Variants in CENPO observed in about 807,000 individuals in gnomAD.
The protein encoded by CENPO is centromere protein O, also known as centromeric protein O.
Under a neutral mutation model 36.1 loss-of-function variants are expected in CENPO, and 30 were observed. The ratio of observed to expected loss-of-function variants is 0.83; its 90% CI spans 0.62 to 1.13. The LOEUF is 1.13. Among genes scored for constraint, CENPO ranks in the 50% most tolerant of loss-of-function variants. The probability of loss-of-function intolerance (pLI) is 0.00; values close to 1 mark genes in which losing one functional copy is unlikely to be tolerated. For missense variants in CENPO, 349 were observed against 357.8 expected (o/e 0.98, Z 0.20); for synonymous variants, 171 against 142.3 (o/e 1.20, Z -1.44).
At chr2:24,812,286 T>C (rs1427896278) in intron 3 of CENPO, among the ~76,000 whole-genome samples, 2 of 152,204 alleles carry the variant, frequency 1.3e-5, no homozygotes, top group Admixed American at 6.5e-5. Flanking sequence ...TTTGGCCTTA[T>C]TAGTCAGGTG....
rs1284881277 is a variant in CENPO at position 24,808,382 on chromosome 2, G to C, written c.217-5994G>C. ...CGCCCAGCTAATTTTTGTATTTTTA[G>C]TAGAGACGGGGTTTCTCTATTGTTG... On this transcript the variant is annotated intron_variant, in intron 3 of 7. Transcript: ENST00000380834. Among the ~76,000 whole-genome samples, 5 of 151,930 alleles carry C rather than the reference G, an allele frequency of 3.3e-5. No homozygotes were observed. The East Asian group carries it at 9.6e-4, about 29-fold the overall frequency.
At chr2:24,819,215 A>G (rs1214570377) in intron 7 of CENPO, 139 bp from the exon 8 acceptor site, 2 of 152,684 alleles carry the variant, frequency 1.3e-5, no homozygotes. Flanking sequence ...GTTCTTTATC[A>G]ATACCTGTAA....
chr2:24,820,328 A>G lies in CENPO; in HGVS notation c.*1010A>G. The G allele has an allele frequency of 7.5e-7, 1 of 1,328,794 alleles. No individual in the cohort carries two copies. The allele number at this position is 1,328,794 out of a possible 1,614,324, so 82.3% of individuals were successfully genotyped here. A position where few individuals can be genotyped will look rare whatever the true frequency, so the allele number is the denominator to read the frequency against. ...AGTGACTGGCTGGGGGCCTCCTCTC[A>G]TCCAGAGACTTCTCTCCTAGGATGG... On this transcript the variant is annotated 3_prime_UTR_variant, in exon 8 of 8. Transcript: ENST00000380834.
At chr2:24,816,480 C>A in intron 5 of CENPO, 166 bp from the exon 6 acceptor site, 2 of 605,260 alleles carry the variant, frequency 3.3e-6, no homozygotes, top group Non-Finnish European at 5.7e-6. Context: ...TTATCTTAGG[C>A]ATCTTTTTCA....
chr2:24,820,959 A>G lies in CENPO; in HGVS notation c.*1641A>G, dbSNP rs1249147495. 3 of 1,441,486 alleles carry G rather than the reference A, an allele frequency of 2.1e-6. No homozygotes were observed. The highest frequency in any genetic ancestry group is 1.4e-5 in the African/African-American group (1 of 70,324). 89.3% of individuals were successfully genotyped at this position (1,441,486 alleles called of 1,614,324 possible). A position where few individuals can be genotyped will look rare whatever the true frequency, so the allele number is the denominator to read the frequency against. ...CACAAAGCTCCTAATGTAACACATC[A>G]TTGTCCTCATTCAACTTGGCTGTAT... is the stretch of plus-strand genomic sequence containing the variant. On this transcript the variant is annotated 3_prime_UTR_variant, in exon 8 of 8. Coordinates refer to ENST00000380834, the MANE Select transcript of CENPO (RefSeq NM_001322101.2).
chr2:24,808,215 T>A (rs182651882), intron 3 of CENPO, among the ~76,000 whole-genome samples: 17 of 152,198 alleles, frequency 1.1e-4, no homozygotes, highest in East Asian at 1.9e-4. Context: ...TATTTTATTT[T>A]TTTTATTTTT....
rs539820191 is a variant in CENPO at position 24,819,905 on chromosome 2, T to C, written c.*587T>C. ...TCAAAAAATAAATTCTCCCTTCCGG[T>C]TTGGACTGTTGCAGGCTCGAGGCCA... On this transcript the variant is annotated 3_prime_UTR_variant, in exon 8 of 8. Transcript: ENST00000380834. The C allele has an allele frequency of 6.2e-7, 1 of 1,608,172 alleles. No individual in the cohort carries two copies. Among genetic ancestry groups the C allele is most frequent in the African/African-American group, 1.3e-5 (1 of 74,594 alleles).
chr2:24,818,871 A>C (rs1454057422), intron 7 of CENPO, among the ~76,000 whole-genome samples: 1 of 152,256 alleles, frequency 6.6e-6, no homozygotes, highest in African/African-American at 2.4e-5. Context: ...CACAGATAGG[A>C]GTCATGACTG....
In CENPO at chr2:24,815,561, C is replaced by G; in HGVS notation, c.399C>G (p.Asn133Lys). Residue 133 changes from asparagine to lysine, a missense_variant, in exon 5 of 8, where the codon AAC becomes AAG. Transcript: ENST00000380834. Reference protein sequence around the residue: ...CVCISTAFEGNLLDSYFVDLV... With the variant: ...CVCISTAFEGKLLDSYFVDLV... ...GCATCAGTACTGCTTTTGAGGGGAA[C>G]CTATTGGATTCCTATTTTGTGGACC... 2 of 1,612,846 alleles carry G rather than the reference C, an allele frequency of 1.2e-6. No homozygotes were observed. The highest frequency in any genetic ancestry group is 1.3e-5 in the African/African-American group (1 of 75,008).
chr2:24,814,609 G>A, intron 4 of CENPO, 116 bp downstream of exon 4: 1 of 666,858 alleles, frequency 1.5e-6, no homozygotes, highest in Non-Finnish European at 2.7e-6. Flanking sequence ...TACACCCTCT[G>A]CCCTCATCAC....
chr2:24,793,447 C>G lies in CENPO; in HGVS notation c.-123C>G. 4 of 1,605,858 alleles carry G rather than the reference C, an allele frequency of 2.5e-6. No individual in the cohort carries two copies. Among genetic ancestry groups the G allele is most frequent in the Non-Finnish European group, 3.4e-6 (4 of 1,175,810 alleles). The stretch of plus-strand genomic sequence containing the variant: ...GGCAGGATCGCAAAGCACGCCGGGA[C>G]CGGTTGGTTTGGTTTTGAAGACGTG... On this transcript the variant is annotated 5_prime_UTR_variant, in exon 1 of 8. Transcript: ENST00000380834.
rs1040487326 is a variant in CENPO, at chr2:24,822,309, G to A, written c.*2991G>A. The A allele has an allele frequency of 2.0e-5, 13 of 662,996 alleles. No homozygotes were observed. The highest frequency in any genetic ancestry group is 4.6e-4 in the Middle Eastern group (1 of 2,178). 41.1% of individuals were successfully genotyped at this position (662,996 alleles called of 1,614,324 possible). On this transcript the variant is annotated 3_prime_UTR_variant, in exon 8 of 8. Transcript: ENST00000380834. Reference sequence around the variant, plus strand: ...CTTAGGCCTGAGCTGTGAACAGCAGGGGGTTGTGTGTCTGTTCTGTTTCTC... The same window carrying A: ...CTTAGGCCTGAGCTGTGAACAGCAGAGGGTTGTGTGTCTGTTCTGTTTCTC...
At position 24,795,463 on chromosome 2, in the gene CENPO, A is replaced by G. The variant is rs551073483; in HGVS notation, c.46+1498A>G. Among the ~76,000 whole-genome samples, 139 of 151,774 alleles carry G rather than the reference A, an allele frequency of 9.2e-4. 1 individual carries two copies. The highest frequency in any genetic ancestry group is 3.3e-3 in the African/African-American group (135 of 41,358). On this transcript the variant is annotated intron_variant, in intron 2 of 7. Coordinates refer to ENST00000380834, the MANE Select transcript of CENPO (RefSeq NM_001322101.2). ...AAGGTAAAGCAGGCCCAGCAGATACACTCCCTCTTTTCTGTAGTAGCAACG... is the reference window on the plus strand; with the variant it reads ...AAGGTAAAGCAGGCCCAGCAGATACGCTCCCTCTTTTCTGTAGTAGCAACG...
At chr2:24,793,768 T>C in intron 1 of CENPO, 84 bp from the exon 2 acceptor site, 1 of 1,102,404 alleles carries the variant, frequency 9.1e-7, no homozygotes, top group Non-Finnish European at 1.4e-6. Context: ...GGCCCAGGGG[T>C]TGTGCCTGAG....
chr2:24,816,653 T>C lies in CENPO; in HGVS notation c.602T>C (p.Phe201Ser), dbSNP rs375419281. ...KYQADRLQSD[F>S]AALLTGPLQR... ...GTTCCTCACCCCTCTTAGAGTGACT[T>C]TGCAGCCCTCCTGACTGGGCCCTTG... Residue 201 changes from phenylalanine to serine, a missense_variant, in exon 6 of 8, where the codon TTT (phenylalanine) becomes TCT (serine). Coordinates refer to ENST00000380834, the MANE Select transcript of CENPO (RefSeq NM_001322101.2). The C allele has an allele frequency of 1.9e-6, 3 of 1,606,576 alleles. No individual in the cohort carries two copies. Among genetic ancestry groups the C allele is most frequent in the Non-Finnish European group, 1.7e-6 (2 of 1,176,674 alleles).
chr2:24,820,094 G>A lies in CENPO; in HGVS notation c.*776G>A, dbSNP rs145887939. On this transcript the variant is annotated 3_prime_UTR_variant, in exon 8 of 8. Coordinates refer to ENST00000380834, the MANE Select transcript of CENPO (RefSeq NM_001322101.2). The stretch of plus-strand genomic sequence containing the variant: ...AGCGGAAGCCGTACTCTCGGAGGAT[G>A]ACTTGGGTTTCTTCTACCACCTGGA... The A allele has an allele frequency of 6.5e-7, 1 of 1,548,298 alleles. No individual in the cohort carries two copies. The highest frequency in any genetic ancestry group is 8.7e-7 in the Non-Finnish European group (1 of 1,146,208).
chr2:24,798,265 GTA>G (rs1485988597), intron 2 of CENPO, among the ~76,000 whole-genome samples: 2 of 117,590 alleles, frequency 1.7e-5, no homozygotes, highest in East Asian at 2.3e-4. Flanking sequence ...GTGTGTGTGT[GTA>G]TGTGTGTGTA....
In CENPO at chr2:24,821,369, C is replaced by T; in HGVS notation, c.*2051C>T. 8.3e-7 allele frequency: 1 copy of T among 1,206,690 alleles called. No individual in the cohort carries two copies. The highest frequency in any genetic ancestry group is 1.2e-6 in the Non-Finnish European group (1 of 866,744). 74.7% of individuals were successfully genotyped at this position (1,206,690 alleles called of 1,614,324 possible). On this transcript the variant is annotated 3_prime_UTR_variant, in exon 8 of 8. Transcript: ENST00000380834. ...ATCTAGAGTCGTCTGGACTAAAGGTCTTTCAGGTCTCCTTGCCCTGTGAGT... is the reference window on the plus strand; with the variant it reads ...ATCTAGAGTCGTCTGGACTAAAGGTTTTTCAGGTCTCCTTGCCCTGTGAGT...
chr2:24,818,708 C>T (rs1161680800), intron 7 of CENPO, among the ~76,000 whole-genome samples: 1 of 152,256 alleles, frequency 6.6e-6, no homozygotes, highest in East Asian at 1.9e-4. Flanking sequence ...GGTCTTCCCT[C>T]TCCTGCAGGC....
Sources: gnomAD v4.1 joint callset for allele counts (sites outside exome capture counted in the v4.1 genomes callset) on GRCh38, gnomAD v4.1.1 for gene constraint, MANE v1.5 for transcripts, NCBI Gene and HGNC (gene_info 2026-07-23, HGNC 2026-07-21) for gene names.